CADPS2: variants seen among roughly 807,000 people sequenced by gnomAD.
CADPS2 encodes calcium dependent secretion activator 2, also known as calcium-dependent secretion activator 2.
A neutral mutation model predicts 172.5 loss-of-function variants in CADPS2; 93 were observed. The ratio of observed to expected loss-of-function variants is 0.54; its 90% CI spans 0.46 to 0.64. The LOEUF (loss-of-function observed/expected upper bound fraction) is 0.64. Ranked by LOEUF, CADPS2 falls within the 30% of genes least tolerant of loss-of-function variation. The probability of loss-of-function intolerance (pLI) is 0.00; values close to 1 mark genes in which losing one functional copy is unlikely to be tolerated. For synonymous variants in CADPS2, 546 were observed against 555.2 expected, an observed-to-expected ratio of 0.98 and a Z score of 0.23; for missense variants, 1,420 against 1,565.9, an observed-to-expected ratio of 0.91 and a Z score of 1.57.
chr7:122,878,261 G>GGAAAAAA (rs749470000), intron 1 of CADPS2, among the ~76,000 whole-genome samples: 1 of 113,284 alleles, frequency 8.8e-6, no homozygotes, highest in African/African-American at 3.4e-5. Context: ...TCCGTCTCAA[G>GGAAAAAA]AAAAAAAAAA....
Position 122,828,250 on chromosome 7 carries a change from T to TC in CADPS2, c.339+57748_339+57749insG, listed in dbSNP as rs200787901. 5.7e-3 allele frequency among the ~76,000 whole-genome samples: 861 copies of TC among 152,166 alleles called. 6 individuals carry two copies. The highest frequency in any genetic ancestry group is 0.034 in the Middle Eastern group (10 of 294). ...GTGTTGATATAACCATTTCTACTAT[T>TC]TTTTATCATTTACATGGTATAATTA... is the stretch of plus-strand genomic sequence containing the variant. On this transcript the variant is annotated intron_variant, in intron 1 of 29. Transcript: ENST00000449022.
Position 122,623,855 on chromosome 7 carries a change from A to G in CADPS2, c.868-2138T>C, listed in dbSNP as rs181193622. On this transcript the variant is annotated intron_variant, in intron 4 of 29. Transcript: ENST00000449022. ...GTCACGTATCTGAAAGTTCTGATAT[A>G]CTAACGCTTTGCTTTCAAATTTTCA... Among the ~76,000 whole-genome samples the G allele has an allele frequency of 1.5e-4, 23 of 152,350 alleles. No individual in the cohort carries two copies. In the East Asian group the frequency reaches 4.0e-3, roughly 27 times the overall value.
intron 27 of CADPS2, among the ~76,000 whole-genome samples, chr7:122,349,989 A>T (rs913811062): frequency 7.2e-5 from 11 of 152,264 alleles, no homozygotes; most frequent in African/African-American, 2.6e-4. Flanking sequence ...AAGGAGACAA[A>T]TTTTTAAATA....
chr7:122,530,235 C>T (rs2061639949), intron 8 of CADPS2, among the ~76,000 whole-genome samples: 1 of 148,572 alleles, frequency 6.7e-6, no homozygotes, highest in African/African-American at 2.5e-5. Context: ...CTAAAAAGCA[C>T]AAAATTCTAA....
chr7:122,337,271 A>C (rs909919967), intron 28 of CADPS2, among the ~76,000 whole-genome samples: 8 of 152,180 alleles, frequency 5.3e-5, no homozygotes, highest in Admixed American at 4.6e-4. Flanking sequence ...GTGCCTGTTT[A>C]AGCCTCTGTT....
intron 1 of CADPS2, among the ~76,000 whole-genome samples, chr7:122,817,744 A>G (rs1801903923): frequency 1.3e-5 from 2 of 151,614 alleles, no homozygotes; most frequent in Non-Finnish European, 2.9e-5. Flanking sequence ...CTTCACTCTT[A>G]GCGGCAAGTC....
chr7:122,380,420 T>C (rs1438363408), intron 24 of CADPS2, among the ~76,000 whole-genome samples: 2 of 152,078 alleles, frequency 1.3e-5, no homozygotes, highest in Non-Finnish European at 2.9e-5. Context: ...TAGACCAACT[T>C]CACTGCTGGT....
At chr7:122,653,002 C>T (rs2079340473) in intron 3 of CADPS2, among the ~76,000 whole-genome samples, 1 of 152,074 alleles carries the variant, frequency 6.6e-6, no homozygotes, top group Admixed American at 6.6e-5. Flanking sequence ...AGAGAGTTTC[C>T]TGTTTTTCCA....
At chr7:122,332,394 C>CTTTTTT (rs35258384) in intron 28 of CADPS2, among the ~76,000 whole-genome samples, 1 of 137,288 alleles carries the variant, frequency 7.3e-6, no homozygotes, top group Non-Finnish European at 1.6e-5. Flanking sequence ...TCTTCATCAT[C>CTTTTTT]TTTTTTTTTT....
intron 1 of CADPS2, among the ~76,000 whole-genome samples, chr7:122,878,508 C>T (rs1821920410): frequency 1.3e-5 from 2 of 150,692 alleles, no homozygotes; most frequent in Admixed American, 6.6e-5. Context: ...GGTGCAGTGG[C>T]GGGTGCCTGT....
At chr7:122,470,346 G>A (rs998757957) in intron 14 of CADPS2, among the ~76,000 whole-genome samples, 6 of 151,710 alleles carry the variant, frequency 4.0e-5, no homozygotes, top group Middle Eastern at 6.8e-3. Context: ...GGGATAGGAG[G>A]GAAAAGAAAA....
At chr7:122,702,721 C>A in intron 2 of CADPS2, 1 of 1,609,028 alleles carries the variant, frequency 6.2e-7, no homozygotes, top group Non-Finnish European at 8.5e-7. Context: ...CAGAACTATG[C>A]GTCGAAGGGG....
In CADPS2 at chr7:122,621,679, C is replaced by A; in HGVS notation, c.906G>T (p.Glu302Asp). Reference protein sequence around the residue: ...KFPKFIAKDMENMYIEELRSS... With the variant: ...KFPKFIAKDMDNMYIEELRSS... ...ACCGCAACTCTTCTATATACATATT[C>A]TCCATATCTTTTGCTATAAATTTGG... is the stretch of plus-strand genomic sequence containing the variant. Residue 302 changes from glutamate (E) to aspartate (D), a missense_variant, in exon 5 of 30, where the codon GAG (glutamate) becomes GAT (aspartate). Physicochemically the swap from Glu to Asp is conservative, Grantham distance 45. Coordinates refer to ENST00000449022, the MANE Select transcript of CADPS2 (RefSeq NM_017954.11). 6.3e-7 allele frequency: 1 copy of A among 1,599,386 alleles called. No homozygotes were observed. The highest frequency in any genetic ancestry group is 8.5e-7 in the Non-Finnish European group (1 of 1,174,344).
intron 1 of CADPS2, among the ~76,000 whole-genome samples, chr7:122,781,976 T>G (rs1284458482): frequency 6.6e-6 from 1 of 152,234 alleles, no homozygotes; most frequent in Non-Finnish European, 1.5e-5. Flanking sequence ...GAAATGTCAA[T>G]CCATTTGTTC....
At chr7:122,618,795 A>G (rs144501444) in intron 5 of CADPS2, among the ~76,000 whole-genome samples, 160 of 152,294 alleles carry the variant, frequency 1.1e-3, no homozygotes, top group African/African-American at 3.2e-3. Context: ...GACTAGAGGC[A>G]TATCTATTCT....
chr7:122,816,237 C>G (rs977961193), intron 1 of CADPS2, among the ~76,000 whole-genome samples: 2 of 141,408 alleles, frequency 1.4e-5, no homozygotes, highest in African/African-American at 5.3e-5. Flanking sequence ...TCTATCTCCA[C>G]GAGATCAATT....
intron 3 of CADPS2, among the ~76,000 whole-genome samples, chr7:122,654,449 T>C (rs2079516976): frequency 1.3e-5 from 2 of 152,206 alleles, no homozygotes; most frequent in Admixed American, 1.3e-4. Context: ...TGAGTTTAGG[T>C]TGAAGCTAAT....
chr7:122,438,943 A>G (rs1387802948), intron 16 of CADPS2, among the ~76,000 whole-genome samples: 1 of 150,210 alleles, frequency 6.7e-6, no homozygotes, highest in Non-Finnish European at 1.5e-5. Flanking sequence ...AAAAAAAAAA[A>G]TCAAGACCTC....
At chr7:122,764,722 A>G (rs779653259) in intron 1 of CADPS2, among the ~76,000 whole-genome samples, 7 of 152,140 alleles carry the variant, frequency 4.6e-5, no homozygotes, top group Non-Finnish European at 7.4e-5. Flanking sequence ...CATTCAAATA[A>G]TATCAGTGGG....
Sources: allele counts gnomAD v4.1 joint callset (sites outside exome capture counted in the v4.1 genomes callset), GRCh38; gene constraint gnomAD v4.1.1; transcripts MANE v1.5; gene names NCBI Gene and HGNC (gene_info 2026-07-23, HGNC 2026-07-21).